The following WHRN variants were observed in gnomAD, a reference collection of about 807,000 sequenced individuals.
The protein encoded by WHRN is whirlin.
Under a neutral mutation model 68.3 loss-of-function variants are expected in WHRN, and 41 were observed. That is an observed-to-expected ratio of 0.60 (90% CI 0.47 to 0.78). The LOEUF is 0.78. Among genes scored for constraint, WHRN ranks in the 30% least tolerant of loss-of-function variants. WHRN has a pLI of 0.00. For synonymous variants in WHRN, 560 were observed against 561.3 expected, an observed-to-expected ratio of 1.00 and a Z score of 0.03; for missense variants, 1,243 against 1,244.7, an observed-to-expected ratio of 1.00 and a Z score of 0.02.
chr9:114,466,413 C>T (rs761920479), intron 2 of WHRN, 21 bp from the exon 3 acceptor site: 32 of 1,613,568 alleles, frequency 2.0e-5, no homozygotes, highest in Non-Finnish European at 2.5e-5. Context: ...GAGAGGATAA[C>T]ATTAGAGGGA....
intron 2 of WHRN, among the ~76,000 whole-genome samples, chr9:114,475,511 A>G (rs969720367): frequency 2.0e-5 from 3 of 152,150 alleles, no homozygotes; most frequent in Non-Finnish European, 2.9e-5. Context: ...GGGCTATAAA[A>G]CTATAACCAG....
intron 3 of WHRN, among the ~76,000 whole-genome samples, chr9:114,456,204 G>A (rs1298816880): frequency 1.3e-5 from 2 of 151,820 alleles, no homozygotes; most frequent in Non-Finnish European, 2.9e-5. Flanking sequence ...AATTGCAGTG[G>A]TGGATGCATA....
At chr9:114,470,563 G>C (rs1841125106) in intron 2 of WHRN, among the ~76,000 whole-genome samples, 2 of 152,186 alleles carry the variant, frequency 1.3e-5, no homozygotes, top group Non-Finnish European at 2.9e-5. Flanking sequence ...ACTTTGTAGA[G>C]ATCCCCCATG....
At chr9:114,459,599 C>A (rs1186821271) in intron 3 of WHRN, among the ~76,000 whole-genome samples, 2 of 152,158 alleles carry the variant, frequency 1.3e-5, no homozygotes, top group Admixed American at 6.5e-5. Context: ...GGAGAACAGA[C>A]CCTGGCAGAA....
At chr9:114,473,140 G>C (rs59251144) in intron 2 of WHRN, among the ~76,000 whole-genome samples, 1 of 152,252 alleles carries the variant, frequency 6.6e-6, no homozygotes, top group Admixed American at 6.5e-5. Context: ...GCTCACTGCA[G>C]AGTAAGGGGC....
chr9:114,503,307 T>A, intron 1 of WHRN: 1 of 599,432 alleles, frequency 1.7e-6, no homozygotes, highest in Non-Finnish European at 2.1e-6. Flanking sequence ...TCCCCCAAAC[T>A]CTTCACTTCT....
At chr9:114,447,444 G>A (rs1838921708) in intron 3 of WHRN, among the ~76,000 whole-genome samples, 1 of 152,162 alleles carries the variant, frequency 6.6e-6, no homozygotes, top group South Asian at 2.1e-4. Flanking sequence ...CCAGAATACT[G>A]CCTGTACATC....
intron 9 of WHRN, among the ~76,000 whole-genome samples, chr9:114,405,664 G>A (rs10759695): frequency 6.6e-6 from 1 of 152,042 alleles, no homozygotes; most frequent in Non-Finnish European, 1.5e-5. Context: ...ACTAGGCTGC[G>A]AGCGCCAGAG....
chr9:114,432,387 C>T (rs951333733), intron 3 of WHRN, among the ~76,000 whole-genome samples: 5 of 152,210 alleles, frequency 3.3e-5, no homozygotes, highest in Admixed American at 2.0e-4. Context: ...GCTGGGTTAA[C>T]GGAGCCCTCT....
At chr9:114,457,737 G>A (rs1839924037) in intron 3 of WHRN, among the ~76,000 whole-genome samples, 1 of 152,082 alleles carries the variant, frequency 6.6e-6, no homozygotes, top group South Asian at 2.1e-4. Context: ...CCAACGTGGT[G>A]AAACCCCATC....
chr9:114,496,070 A>G lies in WHRN; in HGVS notation c.618+8114T>C, dbSNP rs140776036. 4.6e-4 allele frequency among the ~76,000 whole-genome samples: 70 copies of G among 152,238 alleles called. No homozygotes were observed. The East Asian group carries it at 0.013, about 29-fold the overall frequency. ...GTTTTTTTTTTAAGTGCAGAAGCCC[A>G]TGTTAACAAATCACCAATTTCACCT... On this transcript the variant is annotated intron_variant, in intron 1 of 11. Coordinates refer to ENST00000362057, the MANE Select transcript of WHRN (RefSeq NM_015404.4).
chr9:114,427,261 A>C (rs1836962250), intron 3 of WHRN, among the ~76,000 whole-genome samples: 1 of 152,228 alleles, frequency 6.6e-6, no homozygotes, highest in South Asian at 2.1e-4. Context: ...CTCTCTTTTT[A>C]CAAAAATACT....
chr9:114,466,142 G>A (rs546129264), intron 3 of WHRN, 125 bp downstream of exon 3: 3 of 1,471,782 alleles, frequency 2.0e-6, no homozygotes, highest in Middle Eastern at 3.5e-4. Context: ...CAGCAGCCAG[G>A]GAGGGCTCCC....
At chr9:114,495,688 G>C (rs1188712453) in intron 1 of WHRN, among the ~76,000 whole-genome samples, 1 of 152,220 alleles carries the variant, frequency 6.6e-6, no homozygotes, top group South Asian at 2.1e-4. Flanking sequence ...CTGAGAAGCA[G>C]ACTTAAAAAT....
intron 7 of WHRN, among the ~76,000 whole-genome samples, chr9:114,412,588 C>T (rs1835526240): frequency 1.3e-5 from 2 of 152,236 alleles, no homozygotes; most frequent in Admixed American, 6.5e-5. Flanking sequence ...CCGACAAAAA[C>T]CTGCTTCCCA....
chr9:114,468,133 G>C (rs535316926), intron 2 of WHRN, among the ~76,000 whole-genome samples: 18 of 152,252 alleles, frequency 1.2e-4, no homozygotes, highest in African/African-American at 3.6e-4. Context: ...ACCTCTCTGT[G>C]CCTCAGCCTC....
In WHRN at chr9:114,464,173, C is replaced by T. The variant is rs371433662; in HGVS notation, c.963+2094G>A. ...ACAGAACCTACTTTCACGGGAGTAT[C>T]ATGAGGTCAAACAAGTTAATGACAT... On this transcript the variant is annotated intron_variant, in intron 3 of 11. Transcript: ENST00000362057. Among the ~76,000 whole-genome samples, 166 of 152,316 alleles carry T rather than the reference C, an allele frequency of 1.1e-3. 6 individuals are homozygous for T. In the South Asian group the frequency reaches 0.033, roughly 30 times the overall value.
At chr9:114,494,932 G>T (rs368431025) in intron 1 of WHRN, among the ~76,000 whole-genome samples, 7 of 152,320 alleles carry the variant, frequency 4.6e-5, no homozygotes, top group East Asian at 3.9e-4. Flanking sequence ...GACACTGGGG[G>T]GGGGAGCGGG....
At chr9:114,431,292 C>T (rs1837401138) in intron 3 of WHRN, among the ~76,000 whole-genome samples, 1 of 152,198 alleles carries the variant, frequency 6.6e-6, no homozygotes, top group Non-Finnish European at 1.5e-5. Flanking sequence ...CTGTGAGAAT[C>T]AAATGGAACC....
Sources: allele counts gnomAD v4.1 joint callset (sites outside exome capture counted in the v4.1 genomes callset), GRCh38; gene constraint gnomAD v4.1.1; transcripts MANE v1.5; gene names NCBI Gene and HGNC (gene_info 2026-07-23, HGNC 2026-07-21).